Variants in WDPCP observed in about 807,000 individuals in gnomAD.
The protein encoded by WDPCP is WD repeat-containing and planar cell polarity effector protein fritz homolog.
WDPCP carries 71 observed loss-of-function variants against 93.1 expected under a neutral mutation model. That is an observed-to-expected ratio of 0.76 (90% CI 0.63 to 0.93). The LOEUF is 0.93. Ranked by LOEUF, WDPCP falls within the 40% of genes least tolerant of loss-of-function variation. WDPCP has a pLI of 0.00. For synonymous variants in WDPCP, 315 were observed against 315.0 expected (o/e 1.00, Z 0.00); for missense variants, 844 against 887.4 (o/e 0.95, Z 0.62).
At chr2:63,717,741 T>C (rs1669358713) in intron 2 of WDPCP, 3 of 413,326 alleles carry the variant, frequency 7.3e-6, no homozygotes, top group African/African-American at 4.1e-5. Context: ...GTTGCTCCAG[T>C]ACTGCGGTAT....
rs1407064947 is a variant in WDPCP at position 63,817,720 on chromosome 2, A to G, written n.223-4013T>C. Among the ~76,000 whole-genome samples, 3 of 152,110 alleles carry G rather than the reference A, an allele frequency of 2.0e-5. No individual in the cohort carries two copies. In the East Asian group the frequency reaches 5.8e-4, roughly 29 times the overall value. Reference sequence around the variant, plus strand: ...TCCCTTTACAAAAAAAAGTTTGCCAACCTCTCTACTAAAGTTATAGTCTGT... The same window carrying G: ...TCCCTTTACAAAAAAAAGTTTGCCAGCCTCTCTACTAAAGTTATAGTCTGT... On this transcript the variant is annotated intron_variant and non_coding_transcript_variant, in intron 1 of 4. Coordinates refer to the WDPCP transcript ENST00000467687.
chr2:63,460,947 A>T (rs1698968028), intron 6 of WDPCP, among the ~76,000 whole-genome samples: 1 of 152,158 alleles, frequency 6.6e-6, no homozygotes, highest in Non-Finnish European at 1.5e-5. Flanking sequence ...TATAAGCAGA[A>T]AAAAAGGAAA....
Position 63,313,261 on chromosome 2 carries a change from C to A in WDPCP, c.1799G>T (p.Arg600Leu), listed in dbSNP as rs375036014. 1 of 1,613,538 alleles carries A rather than the reference C, an allele frequency of 6.2e-7. No homozygotes were observed. The highest frequency in any genetic ancestry group is 1.3e-5 in the African/African-American group (1 of 75,018). ...AAAATGACTCACCATAAAGAGGTCA[C>A]GAGCACCAACGTCAACAGCTAGGAG... ...AFLLAVDVGA[R>L]DLFMDIHYLA... The change falls in exon 13 of 18, where the codon CGT becomes CTT. Residue 600 changes from arginine to leucine, a missense_variant. Physicochemically the swap from Arg to Leu is moderately radical, Grantham distance 102. Transcript: ENST00000272321.
intron 6 of WDPCP, among the ~76,000 whole-genome samples, chr2:63,476,353 A>C (rs1476147308): frequency 1.3e-5 from 2 of 152,114 alleles, no homozygotes. Context: ...TCACCTCCTC[A>C]ATACTATGTA....
At chr2:63,431,223 G>C (rs1167442106) in intron 9 of WDPCP, among the ~76,000 whole-genome samples, 1 of 151,866 alleles carries the variant, frequency 6.6e-6, no homozygotes, top group African/African-American at 2.4e-5. Flanking sequence ...ATCGCCTAGG[G>C]AACCTGTAAA....
At chr2:63,167,406 T>A (rs1250523298) in intron 15 of WDPCP, among the ~76,000 whole-genome samples, 1 of 152,164 alleles carries the variant, frequency 6.6e-6, no homozygotes, top group African/African-American at 2.4e-5. Context: ...GTAAAAGTGC[T>A]TAGTGGTATC....
intron 1 of WDPCP, among the ~76,000 whole-genome samples, chr2:63,572,164 T>C (rs947790642): frequency 6.6e-6 from 1 of 152,136 alleles, no homozygotes; most frequent in African/African-American, 2.4e-5. Flanking sequence ...CACTGAATAC[T>C]TTTCCTCACT....
At position 63,329,832 on chromosome 2, in the gene WDPCP, G is replaced by A. The variant is rs566762101; in HGVS notation, c.1749-16521C>T. On this transcript the variant is annotated intron_variant, in intron 12 of 17. Transcript: ENST00000272321. ...AACTTTTTTTTGATTACACATGTAAGTGAGATCATGGAGTCTTTTTGTGTC... is the reference window on the plus strand; with the variant it reads ...AACTTTTTTTTGATTACACATGTAAATGAGATCATGGAGTCTTTTTGTGTC... Among the ~76,000 whole-genome samples, 22 of 152,168 alleles carry A rather than the reference G, an allele frequency of 1.4e-4. No homozygotes were observed. In the South Asian group the frequency reaches 1.9e-3, roughly 13 times the overall value.
At chr2:63,364,433 A>G (rs1690735956) in intron 12 of WDPCP, among the ~76,000 whole-genome samples, 1 of 152,094 alleles carries the variant, frequency 6.6e-6, no homozygotes, top group African/African-American at 2.4e-5. Flanking sequence ...TTCTATATCA[A>G]ATACATATTT....
At chr2:63,426,623 A>G (rs1696318711) in intron 9 of WDPCP, among the ~76,000 whole-genome samples, 1 of 152,346 alleles carries the variant, frequency 6.6e-6, no homozygotes, top group African/African-American at 2.4e-5. Context: ...CACAAATACT[A>G]TAAAGCAACT....
chr2:63,362,015 T>A (rs930854725), intron 12 of WDPCP, among the ~76,000 whole-genome samples: 2 of 152,172 alleles, frequency 1.3e-5, no homozygotes, highest in Admixed American at 1.3e-4. Context: ...TGTGTAAGGA[T>A]CAAATTAGGG....
At chr2:63,543,038 AG>A (rs144809787) in intron 1 of WDPCP, among the ~76,000 whole-genome samples, 4,311 of 152,322 alleles carry the variant, frequency 0.028, 92 homozygotes, top group South Asian at 0.071. Flanking sequence ...TTTGAAGAGA[AG>A]TAGTAAAACA....
chr2:63,708,348 C>T (rs1007313668), intron 2 of WDPCP, among the ~76,000 whole-genome samples: 13 of 152,328 alleles, frequency 8.5e-5, no homozygotes, highest in Non-Finnish European at 1.2e-4. Context: ...CCCCCAGCCT[C>T]GCTGCTGCCT....
chr2:63,617,361 T>C (rs778919863), intron 3 of WDPCP, among the ~76,000 whole-genome samples: 2 of 152,200 alleles, frequency 1.3e-5, no homozygotes, highest in Non-Finnish European at 2.9e-5. Context: ...CCTTATTTCA[T>C]ACGTGTTTGA....
At position 63,819,206 on chromosome 2, in the gene WDPCP, A is replaced by T. The variant is rs530862447; in HGVS notation, n.223-5499T>A. Among the ~76,000 whole-genome samples the T allele has an allele frequency of 4.6e-5, 7 of 152,334 alleles. No individual in the cohort carries two copies. In the South Asian group the frequency reaches 1.4e-3, roughly 32 times the overall value. On this transcript the variant is annotated intron_variant and non_coding_transcript_variant, in intron 1 of 4. Transcript: ENST00000467687. ...TTTATTAGTAGTGTGACCTTGAACA[A>T]GTTATTTAACCTGTCTAAGCCTCAA...
chr2:63,665,598 C>T (rs931278252), intron 2 of WDPCP, among the ~76,000 whole-genome samples: 4 of 152,122 alleles, frequency 2.6e-5, no homozygotes, highest in Non-Finnish European at 4.4e-5. Context: ...TTTGGAGGAC[C>T]CAATTCAACC....
chr2:63,617,045 C>G (rs1212619435), intron 3 of WDPCP, among the ~76,000 whole-genome samples: 1 of 152,182 alleles, frequency 6.6e-6, no homozygotes, highest in Non-Finnish European at 1.5e-5. Flanking sequence ...GGCAGCAGGT[C>G]TTCTGGGGCA....
intron 9 of WDPCP, among the ~76,000 whole-genome samples, chr2:63,431,648 G>T (rs540358156): frequency 6.6e-6 from 1 of 150,728 alleles, no homozygotes; most frequent in South Asian, 2.1e-4. Flanking sequence ...TCTATACTTC[G>T]TATTTAAAGA....
rs555389087 is a variant in WDPCP, at chr2:63,368,392, A to T, written c.1748+9994T>A. 2.6e-5 allele frequency among the ~76,000 whole-genome samples: 4 copies of T among 151,786 alleles called. No homozygotes were observed. The East Asian group carries it at 7.8e-4, about 30-fold the overall frequency. ...CCAGGCTGGAGTGCAGTGGCACAAT[A>T]TCGGCTCACTGCAGCCTCCACCTCC... On this transcript the variant is annotated intron_variant, in intron 12 of 17. Transcript: ENST00000272321.
Sources: gnomAD v4.1 joint callset for allele counts (sites outside exome capture counted in the v4.1 genomes callset) on GRCh38, gnomAD v4.1.1 for gene constraint, MANE v1.5 for transcripts, NCBI Gene and HGNC (gene_info 2026-07-23, HGNC 2026-07-21) for gene names.